The following DHRSX variants were observed in gnomAD, a reference collection of about 807,000 sequenced individuals.
The protein encoded by DHRSX is dehydrogenase/reductase X-linked.
DHRSX carries 31 observed loss-of-function variants against 34.0 expected under a neutral mutation model. The observed-to-expected ratio is 0.91, with a 90% confidence interval of 0.69 to 1.23. DHRSX has a LOEUF of 1.23. DHRSX is among the 50% of genes most tolerant of loss of function. The probability of loss-of-function intolerance (pLI) is 0.00; values close to 1 mark genes in which losing one functional copy is unlikely to be tolerated. For synonymous variants in DHRSX, 201 were observed against 183.8 expected (o/e 1.09, Z -0.76); for missense variants, 414 against 428.1 (o/e 0.97, Z 0.29).
At chrX:2,448,675 G>A (rs893988308) in intron 1 of DHRSX, among the ~76,000 whole-genome samples, 3 of 152,030 alleles carry the variant, frequency 2.0e-5, no homozygotes, top group South Asian at 2.1e-4. Flanking sequence ...AAAACATCAC[G>A]TACCTCATAT....
intron 3 of DHRSX, among the ~76,000 whole-genome samples, chrX:2,399,674 C>T (rs2043459893): frequency 6.7e-6 from 1 of 148,712 alleles, no homozygotes; most frequent in Non-Finnish European, 1.5e-5. Flanking sequence ...CCACTGCACT[C>T]CAGCCTGGGC....
chrX:2,362,610 A>G (rs1237538810), intron 3 of DHRSX, among the ~76,000 whole-genome samples: 2 of 152,154 alleles, frequency 1.3e-5, no homozygotes, highest in African/African-American at 2.4e-5. Context: ...GGTCTGCCTT[A>G]TAAGTGATAT....
chrX:2,229,884 T>G (rs765255859), intron 6 of DHRSX, among the ~76,000 whole-genome samples: 1 of 152,338 alleles, frequency 6.6e-6, no homozygotes, highest in African/African-American at 2.4e-5. Context: ...TGTCTGTATG[T>G]ATATGGATAT....
intron 3 of DHRSX, among the ~76,000 whole-genome samples, chrX:2,399,412 A>AC (rs2043456250): frequency 6.6e-6 from 1 of 151,866 alleles, no homozygotes; most frequent in African/African-American, 2.4e-5. Context: ...TGTTTAAAAA[A>AC]AAAAAAAACA....
intron 6 of DHRSX, among the ~76,000 whole-genome samples, chrX:2,232,785 G>T (rs1359555399): frequency 2.6e-5 from 4 of 151,884 alleles, no homozygotes; most frequent in Non-Finnish European, 5.9e-5. Flanking sequence ...TGTTGGCCAG[G>T]CTGGTCTCGA....
intron 1 of DHRSX, chrX:2,500,268 CCCT>C (rs2045382909): frequency 5.9e-6 from 1 of 168,718 alleles, no homozygotes; most frequent in Non-Finnish European, 1.3e-5. Flanking sequence ...CCTCTGGGCC[CCCT>C]CTGGAGACGT....
At chrX:2,335,922 G>A (rs1171896070) in intron 3 of DHRSX, among the ~76,000 whole-genome samples, 1 of 152,082 alleles carries the variant, frequency 6.6e-6, no homozygotes, top group Non-Finnish European at 1.5e-5. Flanking sequence ...CGACATCCAT[G>A]GAGGTATCAT....
intron 1 of DHRSX, among the ~76,000 whole-genome samples, chrX:2,426,466 CCCT>C (rs1038643345): frequency 5.6e-5 from 8 of 142,624 alleles, no homozygotes; most frequent in South Asian, 4.9e-4. Flanking sequence ...TTCCTTCCCT[CCCT>C]CCTTCCTTCC....
chrX:2,265,434 C>A (rs1419864849), intron 5 of DHRSX, among the ~76,000 whole-genome samples: 48 of 130,646 alleles, frequency 3.7e-4, no homozygotes, highest in Non-Finnish European at 6.6e-5. Flanking sequence ...CCCAGAGCAC[C>A]AGTGTCCAGC....
chrX:2,327,330 C>T (rs915264413), intron 3 of DHRSX, among the ~76,000 whole-genome samples: 3 of 152,180 alleles, frequency 2.0e-5, no homozygotes, highest in Non-Finnish European at 4.4e-5. Context: ...CTCTCTGTCT[C>T]TTAGGCTCAC....
In DHRSX at chrX:2,382,780, CCAT is replaced by C. The variant is rs1392314893; in HGVS notation, c.286+25962_286+25964del. On this transcript the variant is annotated intron_variant, in intron 3 of 6. Transcript: ENST00000334651. The stretch of plus-strand genomic sequence containing the variant: ...ATCATCATCATCATCATCACCATCA[CCAT>C]CATCACCATCATCATCACCATCACC... Among the ~76,000 whole-genome samples the C allele has an allele frequency of 6.2e-4, 74 of 120,078 alleles. 4 individuals carry two copies. The South Asian group carries it at 0.016, about 26-fold the overall frequency. 78.8% of individuals were successfully genotyped at this position (120,078 alleles called of 152,430 possible).
chrX:2,237,055 G>A (rs1038336340), intron 6 of DHRSX, among the ~76,000 whole-genome samples: 2 of 152,008 alleles, frequency 1.3e-5, no homozygotes, highest in African/African-American at 4.8e-5. Flanking sequence ...CAGGCGTGCT[G>A]GGAGGTAGCT....
chrX:2,373,378 T>C (rs2043102609), intron 3 of DHRSX, among the ~76,000 whole-genome samples: 1 of 152,150 alleles, frequency 6.6e-6, no homozygotes, highest in African/African-American at 2.4e-5. Context: ...AAACATCATC[T>C]AGGGAAGCTA....
chrX:2,450,812 C>G (rs2044206393), intron 1 of DHRSX, among the ~76,000 whole-genome samples: 1 of 151,866 alleles, frequency 6.6e-6, no homozygotes, highest in Admixed American at 6.6e-5. Context: ...TTGTATTCCT[C>G]CCCCAAATTC....
chrX:2,406,286 C>T (rs1448949181), intron 3 of DHRSX, among the ~76,000 whole-genome samples: 2 of 151,758 alleles, frequency 1.3e-5, no homozygotes, highest in African/African-American at 4.8e-5. Context: ...AGTGAGACTC[C>T]GTCTCAAAAA....
At chrX:2,306,926 C>CTT (rs779898766) in intron 3 of DHRSX, among the ~76,000 whole-genome samples, 11 of 132,170 alleles carry the variant, frequency 8.3e-5, no homozygotes, top group African/African-American at 2.5e-4. Context: ...GGTCTTGGGG[C>CTT]TTTTTTTTTT....
intron 1 of DHRSX, among the ~76,000 whole-genome samples, chrX:2,426,158 G>A (rs184491188): frequency 5.7e-4 from 87 of 152,210 alleles, no homozygotes; most frequent in African/African-American, 2.1e-3. Context: ...CTCTAGGGTT[G>A]ACAAGGCCAT....
chrX:2,401,423 G>A (rs1434086011), intron 3 of DHRSX, among the ~76,000 whole-genome samples: 1 of 152,182 alleles, frequency 6.6e-6, no homozygotes, highest in Non-Finnish European at 1.5e-5. Flanking sequence ...GAAGCTAAAT[G>A]AATCAGAAGA....
intron 3 of DHRSX, among the ~76,000 whole-genome samples, chrX:2,304,750 AG>A (rs113843987): frequency 0.067 from 10,188 of 152,120 alleles, 474 homozygotes; most frequent in African/African-American, 0.12. Context: ...CAGATCCATG[AG>A]CCAATTAAAC....
Sources: gnomAD v4.1 joint callset for allele counts (sites outside exome capture counted in the v4.1 genomes callset) on GRCh38, gnomAD v4.1.1 for gene constraint, MANE v1.5 for transcripts, NCBI Gene and HGNC (gene_info 2026-07-23, HGNC 2026-07-21) for gene names.